Variants in LGSN observed in about 807,000 individuals in gnomAD.
LGSN encodes the protein lengsin, lens protein with glutamine synthetase domain, also known as lengsin.
Under a neutral mutation model 19.5 loss-of-function variants are expected in LGSN, and 21 were observed. The ratio of observed to expected loss-of-function variants is 1.07; its 90% confidence interval spans 0.76 to 1.55. The LOEUF (loss-of-function observed/expected upper bound fraction) is 1.55, where lower values mean the gene tolerates loss of function less well. Ranked by LOEUF, LGSN falls within the 40% of genes most tolerant of loss-of-function variation. LGSN has a pLI of 0.00. For synonymous variants in LGSN, 257 were observed against 215.6 expected, an observed-to-expected ratio of 1.19 and a Z score of -1.68; for missense variants, 673 against 608.5, an observed-to-expected ratio of 1.11 and a Z score of -1.12.
intron 1 of LGSN, among the ~76,000 whole-genome samples, chr6:63,315,308 C>G (rs879371521): frequency 5.9e-5 from 9 of 151,988 alleles, no homozygotes; most frequent in Non-Finnish European, 8.8e-5. Flanking sequence ...GATGGTAACC[C>G]ACTAGGATGA....
the LGSN span, among the ~76,000 whole-genome samples, chr6:63,334,815 C>A: frequency 6.6e-6 from 1 of 151,988 alleles, no homozygotes; most frequent in Non-Finnish European, 1.5e-5. Context: ...GCATACTTAA[C>A]GGCCAGCTGA....
the LGSN span, among the ~76,000 whole-genome samples, chr6:63,525,966 T>C: frequency 0.49 from 73,712 of 151,938 alleles, 18,449 homozygotes; most frequent in African/African-American, 0.6. Flanking sequence ...TGTTTAAACC[T>C]TCTTTCGGTA....
chr6:63,542,426 TAAAA>T, the LGSN span, among the ~76,000 whole-genome samples: 4 of 144,324 alleles, frequency 2.8e-5, no homozygotes, highest in African/African-American at 5.1e-5. Context: ...CCTATGGAAA[TAAAA>T]AAAAAAACTC....
At chr6:63,499,466 G>A in the LGSN span, among the ~76,000 whole-genome samples, 2 of 152,058 alleles carry the variant, frequency 1.3e-5, no homozygotes, top group African/African-American at 4.8e-5. Flanking sequence ...AAGTTGTCCG[G>A]TTGCTATGGG....
chr6:63,517,846 T>C, the LGSN span, among the ~76,000 whole-genome samples: 1 of 151,998 alleles, frequency 6.6e-6, no homozygotes, highest in Non-Finnish European at 1.5e-5. Context: ...TTTAAAAGAA[T>C]CCATTGACAC....
the LGSN span, among the ~76,000 whole-genome samples, chr6:63,526,071 TC>T: frequency 2.1e-4 from 32 of 152,264 alleles, 1 homozygote; most frequent in South Asian, 6.4e-3. Flanking sequence ...ATGCCTGTAA[TC>T]CCAACATTTT....
At chr6:63,336,350 TATAA>T in the LGSN span, among the ~76,000 whole-genome samples, 1 of 152,128 alleles carries the variant, frequency 6.6e-6, no homozygotes, top group Non-Finnish European at 1.5e-5. Flanking sequence ...ACATGTAGCC[TATAA>T]ATATGTACAC....
chr6:63,565,368 T>A, the LGSN span, among the ~76,000 whole-genome samples: 1 of 152,042 alleles, frequency 6.6e-6, no homozygotes, highest in Non-Finnish European at 1.5e-5. Flanking sequence ...TTAAATTGAT[T>A]ACAATTAGAC....
chr6:63,432,996 T>C, the LGSN span, among the ~76,000 whole-genome samples: 1 of 152,190 alleles, frequency 6.6e-6, no homozygotes, highest in African/African-American at 2.4e-5. Context: ...AACTTCTTTA[T>C]TGTAAGGAGC....
chr6:63,479,262 C>T, the LGSN span, among the ~76,000 whole-genome samples: 1 of 152,102 alleles, frequency 6.6e-6, no homozygotes, highest in Non-Finnish European at 1.5e-5. Context: ...AATTTAAGTA[C>T]TCTTAGGCAG....
intron 3 of LGSN, among the ~76,000 whole-genome samples, chr6:63,284,184 A>G (rs1161892244): frequency 6.6e-6 from 1 of 152,210 alleles, no homozygotes; most frequent in East Asian, 1.9e-4. Flanking sequence ...GAACAAAATA[A>G]TAATAACTAG....
Position 63,280,120 on chromosome 6 carries a change from T to C in LGSN, c.1431A>G (p.Gly477=). ...CAACAAAATATCGAATAAAGGTTTC[T>C]CCTAGAGCCTGTCTCAGGCATTGAT... is the stretch of plus-strand genomic sequence containing the variant. The part of the protein sequence containing the change: ...EEDQCLRQAL[G]ETFIRYFVAM... Residue 477 remains glycine, a synonymous_variant, in exon 4 of 4, where the codon GGA becomes GGG. Transcript: ENST00000370657. 6.2e-7 allele frequency: 1 copy of C among 1,614,234 alleles called. No homozygotes were observed. Among genetic ancestry groups the C allele is most frequent in the Non-Finnish European group, 8.5e-7 (1 of 1,180,030 alleles).
At chr6:63,506,241 T>G in the LGSN span, among the ~76,000 whole-genome samples, 98 of 103,238 alleles carry the variant, frequency 9.5e-4, no homozygotes, top group South Asian at 3.4e-3. Flanking sequence ...CTTGTTGTTG[T>G]TGGTGGTGGT....
the LGSN span, among the ~76,000 whole-genome samples, chr6:63,355,979 A>G: frequency 2.0e-5 from 3 of 152,108 alleles, no homozygotes; most frequent in Non-Finnish European, 4.4e-5. Context: ...GGACCTCGCC[A>G]GTACTCTGTC....
the LGSN span, among the ~76,000 whole-genome samples, chr6:63,387,710 T>C: frequency 1.3e-5 from 2 of 152,294 alleles, no homozygotes; most frequent in African/African-American, 4.8e-5. Flanking sequence ...AATAATTTTT[T>C]TTTTTTTGAG....
upstream of LGSN, among the ~76,000 whole-genome samples, chr6:63,324,020 G>A (rs527902099): frequency 6.6e-6 from 1 of 152,192 alleles, no homozygotes; most frequent in African/African-American, 2.4e-5. Context: ...TGATCCACCT[G>A]CCTCAGCCTC....
the LGSN span, among the ~76,000 whole-genome samples, chr6:63,554,609 C>T: frequency 4.6e-5 from 7 of 152,188 alleles, 2 homozygotes; most frequent in African/African-American, 1.7e-4. Flanking sequence ...ACCAGCCTGG[C>T]CAACATGGTG....
intron 1 of LGSN, among the ~76,000 whole-genome samples, chr6:63,301,146 C>A (rs1385818354): frequency 1.3e-5 from 2 of 152,038 alleles, no homozygotes; most frequent in African/African-American, 4.8e-5. Flanking sequence ...CAAAAATTAG[C>A]CAGGCATTGT....
At position 63,277,588 on chromosome 6, in the gene LGSN, C is replaced by G. The variant is rs552137520; in HGVS notation, c.*2433G>C. ...TTAAAGAAGATAGAAGTTTGGTTCT[C>G]TCTCAGGTAAACATCTGGATGTAGG... On this transcript the variant is annotated 3_prime_UTR_variant, in exon 4 of 4. Coordinates refer to ENST00000370657, the MANE Select transcript of LGSN (RefSeq NM_016571.3). 6.6e-6 allele frequency: 1 copy of G among 152,190 alleles called. No homozygotes were observed. 9.4% of individuals were successfully genotyped at this position (152,190 alleles called of 1,614,324 possible).
Sources: allele counts gnomAD v4.1 joint callset (sites outside exome capture counted in the v4.1 genomes callset), GRCh38; gene constraint gnomAD v4.1.1; transcripts MANE v1.5; gene names NCBI Gene and HGNC (gene_info 2026-07-23, HGNC 2026-07-21).